The following MYO3B variants were observed in gnomAD, a reference collection of about 807,000 sequenced individuals.
MYO3B encodes the protein myosin IIIB.
Under a neutral mutation model 174.6 loss-of-function variants are expected in MYO3B, and 156 were observed. The ratio of observed to expected loss-of-function variants is 0.89; its 90% confidence interval spans 0.78 to 1.02. The LOEUF is 1.02. Among genes scored for constraint, MYO3B ranks in the 50% least tolerant of loss-of-function variants. The probability of loss-of-function intolerance (pLI) is 0.00; values close to 1 mark genes in which losing one functional copy is unlikely to be tolerated. For missense variants in MYO3B, 1,632 were observed against 1,639.4 expected (o/e 1.00, Z 0.08); for synonymous variants, 563 against 569.1 (o/e 0.99, Z 0.15).
intron 15 of MYO3B, among the ~76,000 whole-genome samples, chr2:170,392,052 G>A (rs1424184323): frequency 4.7e-5 from 7 of 150,418 alleles, no homozygotes; most frequent in Non-Finnish European, 1.0e-4. Flanking sequence ...GAACCTGGGA[G>A]GTCGAGGCTG....
intron 23 of MYO3B, among the ~76,000 whole-genome samples, chr2:170,461,169 T>A (rs1559023383): frequency 2.0e-5 from 3 of 151,928 alleles, no homozygotes; most frequent in Admixed American, 2.0e-4. Context: ...TCAGGGAGGA[T>A]CTCTTAACAA....
intron 7 of MYO3B, among the ~76,000 whole-genome samples, chr2:170,270,049 A>G (rs753820111): frequency 6.6e-6 from 1 of 152,242 alleles, no homozygotes; most frequent in Non-Finnish European, 1.5e-5. Context: ...TATGCACAAT[A>G]TAGTCCTAGT....
At chr2:170,329,837 C>A (rs2093899365) in intron 7 of MYO3B, among the ~76,000 whole-genome samples, 1 of 152,140 alleles carries the variant, frequency 6.6e-6, no homozygotes, top group African/African-American at 2.4e-5. Flanking sequence ...GAGACACAGA[C>A]ACAGACACAC....
chr2:170,391,189 C>G (rs1352355342), intron 14 of MYO3B, among the ~76,000 whole-genome samples: 2 of 152,074 alleles, frequency 1.3e-5, no homozygotes, highest in East Asian at 3.9e-4. Flanking sequence ...CTGGACCTCA[C>G]TGTCTCTGAA....
intron 8 of MYO3B, among the ~76,000 whole-genome samples, chr2:170,360,682 T>C (rs1373312766): frequency 6.6e-6 from 1 of 152,244 alleles, no homozygotes; most frequent in Admixed American, 6.5e-5. Context: ...GTGGGTTCTT[T>C]AAGAGGTCGT....
intron 9 of MYO3B, among the ~76,000 whole-genome samples, chr2:170,371,203 G>A (rs1285041549): frequency 8.3e-6 from 1 of 120,866 alleles, no homozygotes; most frequent in African/African-American, 3.3e-5. Flanking sequence ...GGGCGACAGA[G>A]CAAGACAGTG....
At chr2:170,445,793 C>T (rs1318940004) in intron 23 of MYO3B, among the ~76,000 whole-genome samples, 1 of 152,128 alleles carries the variant, frequency 6.6e-6, no homozygotes, top group Non-Finnish European at 1.5e-5. Flanking sequence ...ACCACCATAC[C>T]TGGCTAACTA....
intron 23 of MYO3B, among the ~76,000 whole-genome samples, chr2:170,449,221 A>G (rs1683442528): frequency 6.6e-6 from 1 of 152,192 alleles, no homozygotes; most frequent in Non-Finnish European, 1.5e-5. Flanking sequence ...TAGCTCTATA[A>G]GTCAACTTTG....
rs758120697 is a variant in MYO3B at position 170,527,332 on chromosome 2, A to G, written c.3575+7792A>G. Among the ~76,000 whole-genome samples, 4 of 152,382 alleles carry G rather than the reference A, an allele frequency of 2.6e-5. No homozygotes were observed. In the South Asian group the frequency reaches 6.2e-4, roughly 24 times the overall value. On this transcript the variant is annotated intron_variant, in intron 30 of 34. Transcript: ENST00000408978. ...AGTACACAAAATGTTTTGTTGTTCT[A>G]TAGGTCAAAAGATGTAAACCCATAG... is the stretch of plus-strand genomic sequence containing the variant.
chr2:170,468,962 C>T (rs1050385659), intron 25 of MYO3B, among the ~76,000 whole-genome samples: 1 of 152,074 alleles, frequency 6.6e-6, no homozygotes, highest in Non-Finnish European at 1.5e-5. Context: ...CGAGACCAGC[C>T]TGGCCAACAT....
At chr2:170,507,936 G>C (rs770478421) in intron 28 of MYO3B, among the ~76,000 whole-genome samples, 1 of 152,156 alleles carries the variant, frequency 6.6e-6, no homozygotes, top group African/African-American at 2.4e-5. Context: ...GAATGCACAG[G>C]AATCTCCTTT....
At chr2:170,625,160 C>A (rs1171590314) in intron 32 of MYO3B, among the ~76,000 whole-genome samples, 1 of 152,190 alleles carries the variant, frequency 6.6e-6, no homozygotes, top group East Asian at 1.9e-4. Context: ...CCTCCTTGTA[C>A]CTCTGGTAGA....
rs564093681 is a variant in MYO3B at position 170,266,559 on chromosome 2, G to A, written c.749+30423G>A. ...TCCTGTGCTTTGCATATAGAAATGT[G>A]CTTATTATGCTTTTTTCTGTCAAGC... On this transcript the variant is annotated intron_variant, in intron 7 of 34. Coordinates refer to ENST00000408978, the MANE Select transcript of MYO3B (RefSeq NM_138995.5). Among the ~76,000 whole-genome samples, 6 of 152,206 alleles carry A rather than the reference G, an allele frequency of 3.9e-5. No homozygotes were observed. In the South Asian group the frequency reaches 1.0e-3, roughly 26 times the overall value.
chr2:170,558,958 T>C (rs1490998635), intron 32 of MYO3B, among the ~76,000 whole-genome samples: 1 of 152,264 alleles, frequency 6.6e-6, no homozygotes, highest in Non-Finnish European at 1.5e-5. Context: ...ACTTCACATG[T>C]AGTAAGCACT....
intron 32 of MYO3B, among the ~76,000 whole-genome samples, chr2:170,567,518 G>C (rs2106268332): frequency 6.6e-6 from 1 of 152,266 alleles, no homozygotes; most frequent in East Asian, 1.9e-4. Flanking sequence ...AAATGTTTAT[G>C]AAAGTTAACA....
chr2:170,453,489 A>G (rs1207423965), intron 23 of MYO3B, among the ~76,000 whole-genome samples: 1 of 151,148 alleles, frequency 6.6e-6, no homozygotes, highest in Admixed American at 6.6e-5. Flanking sequence ...CGACCAACTG[A>G]CCAGAAACCT....
chr2:170,521,075 A>G (rs1688643429), intron 30 of MYO3B, among the ~76,000 whole-genome samples: 1 of 152,228 alleles, frequency 6.6e-6, no homozygotes, highest in African/African-American at 2.4e-5. Context: ...GGAAAAGAGA[A>G]AGTCTTAATT....
At chr2:170,340,703 G>C (rs1030597361) in intron 8 of MYO3B, 5 of 152,160 alleles carry the variant, frequency 3.3e-5, no homozygotes, top group Non-Finnish European at 7.4e-5. Context: ...CAAGTCCTCA[G>C]ATTCTTCTCA....
intron 7 of MYO3B, among the ~76,000 whole-genome samples, chr2:170,279,712 G>A (rs1349728225): frequency 6.6e-6 from 1 of 152,090 alleles, no homozygotes; most frequent in Non-Finnish European, 1.5e-5. Context: ...GCGAGAACAT[G>A]CAGTATTTGG....
Sources: gnomAD v4.1 joint callset for allele counts (sites outside exome capture counted in the v4.1 genomes callset) on GRCh38, gnomAD v4.1.1 for gene constraint, MANE v1.5 for transcripts, NCBI Gene and HGNC (gene_info 2026-07-23, HGNC 2026-07-21) for gene names.